SNTB1: variants seen among roughly 807,000 people sequenced by gnomAD.
The protein encoded by SNTB1 is syntrophin beta 1.
SNTB1 carries 36 observed loss-of-function variants against 48.9 expected under a neutral mutation model. That is an observed-to-expected ratio of 0.74 (90% confidence interval 0.56 to 0.97). SNTB1 has a LOEUF of 0.97. SNTB1 is among the 50% of genes least tolerant of loss of function. The probability of loss-of-function intolerance (pLI) is 0.00; values close to 1 mark genes in which losing one functional copy is unlikely to be tolerated. For synonymous variants in SNTB1, 299 were observed against 294.6 expected, an observed-to-expected ratio of 1.01 and a Z score of -0.15; for missense variants, 786 against 703.4, an observed-to-expected ratio of 1.12 and a Z score of -1.33.
chr8:120,736,456 G>T (rs1408576585), intron 1 of SNTB1, among the ~76,000 whole-genome samples: 8 of 152,178 alleles, frequency 5.3e-5, no homozygotes, highest in Admixed American at 3.3e-4. Flanking sequence ...AGGCCAAAAA[G>T]AATAACAAGG....
At chr8:120,792,253 GA>G (rs1820047919) in intron 1 of SNTB1, among the ~76,000 whole-genome samples, 1 of 140,652 alleles carries the variant, frequency 7.1e-6, no homozygotes, top group Non-Finnish European at 1.5e-5. Context: ...CTCAGGAACT[GA>G]AAACTAAATA....
chr8:120,567,710 C>G (rs1409856510), intron 4 of SNTB1, among the ~76,000 whole-genome samples: 4 of 152,032 alleles, frequency 2.6e-5, no homozygotes, highest in African/African-American at 2.4e-5. Flanking sequence ...CCAGCTTGAT[C>G]TATTTTGAAA....
At chr8:120,628,743 G>A (rs980182797) in intron 3 of SNTB1, among the ~76,000 whole-genome samples, 3 of 151,748 alleles carry the variant, frequency 2.0e-5, no homozygotes, top group Non-Finnish European at 4.4e-5. Context: ...GAGACAGAGC[G>A]AGACTCCATC....
At position 120,578,553 on chromosome 8, in the gene SNTB1, T is replaced by G. The variant is rs117964760; in HGVS notation, c.997-3328A>C. Among the ~76,000 whole-genome samples, 1,351 of 152,320 alleles carry G rather than the reference T, an allele frequency of 8.9e-3. 10 individuals are homozygous for G. Among genetic ancestry groups the G allele is most frequent in the Non-Finnish European group, 0.015 (1,004 of 68,026 alleles). On this transcript the variant is annotated intron_variant, in intron 3 of 6. Coordinates refer to ENST00000517992, the MANE Select transcript of SNTB1 (RefSeq NM_021021.4). ...CTGCCTGGCTTCCTGCCTTGAGTGC[T>G]GCAGTCAGTTTCTCAAGAACTGATC...
chr8:120,607,514 TCATTTAA>T (rs1312977168), intron 3 of SNTB1, among the ~76,000 whole-genome samples: 1 of 152,254 alleles, frequency 6.6e-6, no homozygotes, highest in Non-Finnish European at 1.5e-5. Flanking sequence ...CATTAACTCG[TCATTTAA>T]CATTAGGTAT....
At chr8:120,798,746 A>C (rs538115678) in intron 1 of SNTB1, among the ~76,000 whole-genome samples, 2 of 152,192 alleles carry the variant, frequency 1.3e-5, no homozygotes, top group East Asian at 3.9e-4. Context: ...AATATATTCA[A>C]TCTTGATTGT....
rs1485824119 is a variant in SNTB1, at chr8:120,754,980, G to C, written c.571+56293C>G. Among the ~76,000 whole-genome samples the C allele has an allele frequency of 2.0e-5, 3 of 152,102 alleles. No homozygotes were observed. In the South Asian group the frequency reaches 6.2e-4, roughly 32 times the overall value. On this transcript the variant is annotated intron_variant, in intron 1 of 6. Coordinates refer to ENST00000517992, the MANE Select transcript of SNTB1 (RefSeq NM_021021.4). ...TTTGACTTGCACATGGAAGAAACTGGTATAATAAAAGATGCTCCAGTGAAA... is the reference window on the plus strand; with the variant it reads ...TTTGACTTGCACATGGAAGAAACTGCTATAATAAAAGATGCTCCAGTGAAA...
rs113399776 is a variant in SNTB1, at chr8:120,803,211, A to G, written c.571+8062T>C. The stretch of plus-strand genomic sequence containing the variant: ...TCGTTTATAAAAAAGTACTGAGCTA[A>G]AAAGTATGGGTCATCATTTTAATTT... On this transcript the variant is annotated intron_variant, in intron 1 of 6. Coordinates refer to ENST00000517992, the MANE Select transcript of SNTB1 (RefSeq NM_021021.4). 6.8e-4 allele frequency among the ~76,000 whole-genome samples: 104 copies of G among 152,314 alleles called. 1 individual carries two copies. The highest frequency in any genetic ancestry group is 3.4e-3 in the Middle Eastern group (1 of 294).
intron 1 of SNTB1, among the ~76,000 whole-genome samples, chr8:120,712,970 C>G (rs1170225531): frequency 6.6e-6 from 1 of 152,080 alleles, no homozygotes; most frequent in African/African-American, 2.4e-5. Context: ...TGCCAGTACC[C>G]CGTCATGTGG....
At chr8:120,654,904 A>T (rs1457233175) in intron 2 of SNTB1, 1 of 446,664 alleles carries the variant, frequency 2.2e-6, no homozygotes, top group Non-Finnish European at 4.5e-6. Context: ...GACTCTGGAG[A>T]AAACACAGAT....
In SNTB1 at chr8:120,538,527, T is replaced by C. The variant is rs965144905; in HGVS notation, c.*350A>G. ...GGCCCTTGCGTACCTGGTGAACAAG[T>C]TGCCTAGGAACTGGGATGATTAAGA... On this transcript the variant is annotated 3_prime_UTR_variant, in exon 7 of 7. Transcript: ENST00000517992. 1.5e-5 allele frequency: 6 copies of C among 391,756 alleles called. No individual in the cohort carries two copies. The highest frequency in any genetic ancestry group is 1.0e-4 in the African/African-American group (5 of 48,660). 24.3% of individuals were successfully genotyped at this position (391,756 alleles called of 1,614,324 possible).
chr8:120,589,126 C>T (rs999309729), intron 3 of SNTB1, among the ~76,000 whole-genome samples: 2 of 150,834 alleles, frequency 1.3e-5, no homozygotes, highest in East Asian at 2.0e-4. Flanking sequence ...TGTATTTATA[C>T]ACCCTCTTTT....
chr8:120,564,564 GTT>G (rs71306893), intron 4 of SNTB1, among the ~76,000 whole-genome samples: 1 of 84,214 alleles, frequency 1.2e-5, no homozygotes, highest in Non-Finnish European at 2.1e-5. Context: ...TATTATTCTG[GTT>G]TTTTTTTTTT....
At chr8:120,583,533 A>G (rs897285866) in intron 3 of SNTB1, among the ~76,000 whole-genome samples, 4 of 150,726 alleles carry the variant, frequency 2.7e-5, no homozygotes, top group Middle Eastern at 3.2e-3. Flanking sequence ...ACACACACAC[A>G]CACACACACA....
chr8:120,749,429 G>A (rs1819176667), intron 1 of SNTB1, among the ~76,000 whole-genome samples: 1 of 152,106 alleles, frequency 6.6e-6, no homozygotes, highest in Non-Finnish European at 1.5e-5. Flanking sequence ...TTATTTTAAG[G>A]AGGCTACTTA....
At chr8:120,726,757 G>A (rs538985217) in intron 1 of SNTB1, among the ~76,000 whole-genome samples, 167 of 152,252 alleles carry the variant, frequency 1.1e-3, no homozygotes, top group Non-Finnish European at 2.0e-3. Context: ...GGTTGTAATC[G>A]ACACTGAACT....
At chr8:120,588,531 AT>A (rs35337577) in intron 3 of SNTB1, among the ~76,000 whole-genome samples, 82,438 of 150,788 alleles carry the variant, frequency 0.55, 23,769 homozygotes, top group East Asian at 0.75. Flanking sequence ...GGGAATAGCC[AT>A]TTTTTTTTTT....
chr8:120,805,576 C>G (rs1331548218), intron 1 of SNTB1, among the ~76,000 whole-genome samples: 1 of 152,056 alleles, frequency 6.6e-6, no homozygotes, highest in Non-Finnish European at 1.5e-5. Context: ...AAAGGTTCTC[C>G]CCTAGACATC....
chr8:120,684,966 C>T (rs1242433823), intron 2 of SNTB1, among the ~76,000 whole-genome samples: 2 of 152,160 alleles, frequency 1.3e-5, no homozygotes, highest in African/African-American at 4.8e-5. Flanking sequence ...AAAATTGAAT[C>T]TTAATTCTCC....
Sources: allele counts gnomAD v4.1 joint callset (sites outside exome capture counted in the v4.1 genomes callset), GRCh38; gene constraint gnomAD v4.1.1; transcripts MANE v1.5; gene names NCBI Gene and HGNC (gene_info 2026-07-23, HGNC 2026-07-21).